Variants in MLXIPL observed in about 807,000 individuals in gnomAD.
MLXIPL encodes the protein carbohydrate-responsive element-binding protein.
Under a neutral mutation model 81.5 loss-of-function variants are expected in MLXIPL, and 49 were observed. That is an observed-to-expected ratio of 0.60 (90% confidence interval 0.48 to 0.76). The LOEUF (loss-of-function observed/expected upper bound fraction) is 0.76. Among genes scored for constraint, MLXIPL ranks in the 30% least tolerant of loss-of-function variants. MLXIPL has a pLI of 0.00. For missense variants in MLXIPL, 1,053 were observed against 1,167.0 expected (o/e 0.90, Z 1.42); for synonymous variants, 466 against 485.5 (o/e 0.96, Z 0.53).
chr7:73,603,034 C>T (rs148238526), intron 7 of MLXIPL, among the ~76,000 whole-genome samples: 5 of 152,318 alleles, frequency 3.3e-5, no homozygotes, highest in East Asian at 3.9e-4. Context: ...GTCCCCTCCA[C>T]GGACCTGACC....
chr7:73,645,126 A>G, the MLXIPL span, among the ~76,000 whole-genome samples: 1 of 152,038 alleles, frequency 6.6e-6, no homozygotes, highest in South Asian at 2.1e-4. Flanking sequence ...TCCTGGTCTC[A>G]AGTGATCGTC....
chr7:73,641,427 T>A, the MLXIPL span, among the ~76,000 whole-genome samples: 1 of 152,024 alleles, frequency 6.6e-6, no homozygotes, highest in Non-Finnish European at 1.5e-5. Flanking sequence ...CAGGGGAGGA[T>A]CATGTGCTAC....
rs895808670 is a variant in MLXIPL, at chr7:73,623,056, G to C, written c.293+1144C>G. On this transcript the variant is annotated intron_variant, in intron 1 of 16. Transcript: ENST00000313375. This position sits in a 1 kb window ranked among gnomAD's most constrained non-coding sequence, Gnocchi z 5.7. ...CACGGGTCCGACGCCCTGGCCGATC[G>C]GGTTGCAACATGACCTGGGCCAGGG... Among the ~76,000 whole-genome samples the C allele has an allele frequency of 6.6e-6, 1 of 152,118 alleles. No homozygotes were observed.
At chr7:73,638,003 C>T in the MLXIPL span, among the ~76,000 whole-genome samples, 3 of 152,144 alleles carry the variant, frequency 2.0e-5, no homozygotes, top group Non-Finnish European at 4.4e-5. Flanking sequence ...TATGTTCTTC[C>T]TACCTCTTTT....
intron 7 of MLXIPL, among the ~76,000 whole-genome samples, chr7:73,601,446 C>T (rs1218928696): frequency 1.3e-5 from 2 of 152,102 alleles, no homozygotes; most frequent in African/African-American, 4.8e-5. Flanking sequence ...AGTCCCCCTT[C>T]CCATCCCCTG....
chr7:73,624,293 T>G lies in MLXIPL; in HGVS notation c.200A>C (p.Asp67Ala). ...PHSDSLPRRR[D>A]QEGSVGPSDF... ...GGAGGGCCCCACGGACCCCTCCTGGTCGCGCCGCCGGGGCAGCGAGTCGCT... is the reference window on the plus strand; with the variant it reads ...GGAGGGCCCCACGGACCCCTCCTGGGCGCGCCGCCGGGGCAGCGAGTCGCT... The change falls in exon 1 of 17, where the codon GAC becomes GCC. Residue 67 changes from aspartate to alanine, a missense_variant. Asp to Ala is a moderately radical substitution (Grantham distance 126, BLOSUM62 -2). Coordinates refer to ENST00000313375, the MANE Select transcript of MLXIPL (RefSeq NM_032951.3). 1 of 1,586,534 alleles carries G rather than the reference T, an allele frequency of 6.3e-7. No homozygotes were observed. The highest frequency in any genetic ancestry group is 8.6e-7 in the Non-Finnish European group (1 of 1,168,196).
chr7:73,597,552 G>A lies in MLXIPL; in HGVS notation c.1233C>T (p.Pro411=). ...PAKVPGLEPC[P]PPPFPPMAPP... ...GTGCCATGGGAGGGAAGGGAGGTGG[G>A]GGGCAGGGCTCCAGGCCTGGCACCT... is the stretch of plus-strand genomic sequence containing the variant. Residue 411 remains proline, a synonymous_variant, in exon 9 of 17, where the codon CCC becomes CCT. Transcript: ENST00000313375. 7.3e-7 allele frequency: 1 copy of A among 1,368,726 alleles called. No individual in the cohort carries two copies. Among genetic ancestry groups the A allele is most frequent in the African/African-American group, 1.5e-5 (1 of 67,246 alleles). The allele number at this position is 1,368,726 out of a possible 1,614,324, so 84.8% of individuals were successfully genotyped here.
At chr7:73,624,140 G>T in intron 1 of MLXIPL, 60 bp downstream of exon 1, 2 of 522,034 alleles carry the variant, frequency 3.8e-6, no homozygotes, top group Non-Finnish European at 6.4e-6. Flanking sequence ...GTCCTGCCCC[G>T]GACCCCCCCC....
At chr7:73,598,061 A>C (rs1369389326) in intron 8 of MLXIPL, among the ~76,000 whole-genome samples, 1 of 151,776 alleles carries the variant, frequency 6.6e-6, no homozygotes, top group Non-Finnish European at 1.5e-5. Context: ...CCATCCATTC[A>C]TCATCCATCC....
In MLXIPL at chr7:73,624,281, G is replaced by T. The variant is rs1554603027; in HGVS notation, c.212C>A (p.Ser71Tyr). The change falls in exon 1 of 17, where the codon TCC (serine) becomes TAC (tyrosine). Residue 71 changes from serine to tyrosine, a missense_variant. By Grantham distance (144) the Ser-to-Tyr change is moderately radical (BLOSUM62 -2). Transcript: ENST00000313375. ...CGGCCCGAAGTCGGAGGGCCCCACG[G>T]ACCCCTCCTGGTCGCGCCGCCGGGG... ...SLPRRRDQEG[S>Y]VGPSDFGPRS... 1 of 1,588,534 alleles carries T rather than the reference G, an allele frequency of 6.3e-7. No homozygotes were observed. The highest frequency in any genetic ancestry group is 8.6e-7 in the Non-Finnish European group (1 of 1,169,152).
chr7:73,637,308 T>G, the MLXIPL span, among the ~76,000 whole-genome samples: 1 of 151,286 alleles, frequency 6.6e-6, no homozygotes, highest in Non-Finnish European at 1.5e-5. Flanking sequence ...CGAAACCCCG[T>G]CTCTCCTAAA....
intron 7 of MLXIPL, among the ~76,000 whole-genome samples, chr7:73,603,259 C>A (rs782684319): frequency 6.6e-6 from 1 of 152,186 alleles, no homozygotes; most frequent in Admixed American, 6.5e-5. Context: ...GAGGGCCACA[C>A]GAGCCACCTC....
At chr7:73,601,176 AGTGTGTGTGT>A (rs55639253) in intron 7 of MLXIPL, among the ~76,000 whole-genome samples, 1,998 of 137,724 alleles carry the variant, frequency 0.015, 56 homozygotes, top group African/African-American at 0.052. Context: ...TGCAGGGTCA[AGTGTGTGTGT>A]GTGTGTGTGT....
rs1196908644 is a variant in MLXIPL, at chr7:73,619,696, C to T, written c.294-3519G>A. Reference sequence around the variant, plus strand: ...CTGTAATCCCAGCACTTTGGGAGGCCGAGATGGGTGGATCACAAGGTCAGG... The same window carrying T: ...CTGTAATCCCAGCACTTTGGGAGGCTGAGATGGGTGGATCACAAGGTCAGG... On this transcript the variant is annotated intron_variant, in intron 1 of 16. Transcript: ENST00000313375. Among the ~76,000 whole-genome samples the T allele has an allele frequency of 3.3e-5, 5 of 151,364 alleles. No homozygotes were observed. The East Asian group carries it at 5.9e-4, about 18-fold the overall frequency.
At chr7:73,595,136 G>A (rs954947435) in intron 15 of MLXIPL, among the ~76,000 whole-genome samples, 14 of 152,050 alleles carry the variant, frequency 9.2e-5, no homozygotes, top group Non-Finnish European at 5.9e-5. Flanking sequence ...GTGAGCCACC[G>A]CACCTGGCTT....
At chr7:73,622,705 A>G (rs1554602568) in intron 1 of MLXIPL, among the ~76,000 whole-genome samples, 1 of 149,090 alleles carries the variant, frequency 6.7e-6, no homozygotes, top group Non-Finnish European at 1.5e-5. Context: ...TACCCCAGCT[A>G]TCTCTGACTG....
chr7:73,596,487 A>G lies in MLXIPL; in HGVS notation c.1823-8T>C, dbSNP rs1794316829. ...ACAGCCGCCGTTCACTGCCTGTGGT[A>G]GGGACAGACAGACCCACAGAAAGAC... On this transcript the variant is annotated splice_polypyrimidine_tract_variant and splice_region_variant and intron_variant, in intron 11 of 16. Transcript: ENST00000313375. This position sits in a 1 kb window ranked among gnomAD's most constrained non-coding sequence, Gnocchi z 4.7. 6.2e-7 allele frequency: 1 copy of G among 1,612,628 alleles called. No individual in the cohort carries two copies. The highest frequency in any genetic ancestry group is 1.7e-5 in the Admixed American group (1 of 59,980).
the MLXIPL span, among the ~76,000 whole-genome samples, chr7:73,635,481 G>A: frequency 6.6e-6 from 1 of 151,848 alleles, no homozygotes; most frequent in East Asian, 1.9e-4. Context: ...TTTACAATCT[G>A]TCCATTCACC....
Position 73,593,975 on chromosome 7 carries a change from T to G in MLXIPL, c.2449A>C (p.Asn817His). 6.2e-7 allele frequency: 1 copy of G among 1,613,520 alleles called. No individual in the cohort carries two copies. The highest frequency in any genetic ancestry group is 1.1e-5 in the South Asian group (1 of 91,064). ...SLPALRPTVL[N>H]SLRQLGTSTS... is the part of the protein sequence containing the mutation. The stretch of plus-strand genomic sequence containing the variant: ...GATGTGCCCAGCTGGCGTAGGGAGT[T>G]CAGGACAGCTGGGTGGGAGACAGAG... Residue 817 changes from asparagine to histidine, a missense_variant, in exon 17 of 17, where the codon AAC (asparagine) becomes CAC (histidine). Transcript: ENST00000313375.
Sources: gnomAD v4.1 joint callset for allele counts (sites outside exome capture counted in the v4.1 genomes callset) on GRCh38, gnomAD v4.1.1 for gene constraint, Gnocchi (gnomAD v3.1) non-coding constraint, MANE v1.5 for transcripts, NCBI Gene and HGNC (gene_info 2026-07-23, HGNC 2026-07-21) for gene names.